Variants in MBOAT7 observed in about 807,000 individuals in gnomAD.
The protein encoded by MBOAT7 is membrane-bound acylglycerophosphatidylinositol O-acyltransferase MBOAT7.
Under a neutral mutation model 47.4 loss-of-function variants are expected in MBOAT7, and 40 were observed. The ratio of observed to expected loss-of-function variants is 0.84; its 90% CI spans 0.66 to 1.10. The LOEUF is 1.10. Ranked by LOEUF, MBOAT7 falls within the 50% of genes least tolerant of loss-of-function variation. The pLI is 0.00. For synonymous variants in MBOAT7, 361 were observed against 292.0 expected (o/e 1.24, Z -2.41); for missense variants, 680 against 655.6 (o/e 1.04, Z -0.41).
At chr19:54,186,187 G>A (rs2076423223) in intron 4 of MBOAT7, among the ~76,000 whole-genome samples, 1 of 151,754 alleles carries the variant, frequency 6.6e-6, no homozygotes, top group South Asian at 2.1e-4. Flanking sequence ...CTAATCTTTT[G>A]TATTTTTAGT....
At chr19:54,185,488 A>G (rs2076404473) in intron 4 of MBOAT7, among the ~76,000 whole-genome samples, 1 of 152,074 alleles carries the variant, frequency 6.6e-6, no homozygotes, top group African/African-American at 2.4e-5. Flanking sequence ...CATCCTGCCC[A>G]ATTGGTGGCC....
chr19:54,185,796 A>G (rs889194014), intron 4 of MBOAT7, among the ~76,000 whole-genome samples: 3 of 151,888 alleles, frequency 2.0e-5, no homozygotes, highest in African/African-American at 4.8e-5. Context: ...TCCAGGTTCA[A>G]GCAATTATCC....
At chr19:54,181,745 GGGAA>G (rs1568804276) in intron 5 of MBOAT7, among the ~76,000 whole-genome samples, 16 of 15,620 alleles carry the variant, frequency 1.0e-3, no homozygotes, top group Non-Finnish European at 1.6e-3. Flanking sequence ...GAGGGAGGGA[GGGAA>G]GGAGGGAAGG....
At chr19:54,184,159 CTCTT>C (rs1265183540) in intron 4 of MBOAT7, among the ~76,000 whole-genome samples, 77 of 119,556 alleles carry the variant, frequency 6.4e-4, no homozygotes, top group East Asian at 3.9e-3. Context: ...TAATCTCTCT[CTCTT>C]TTTTTTTTTT....
Position 54,173,930 on chromosome 19 carries a change from A to C in MBOAT7, c.*114T>G. On this transcript the variant is annotated 3_prime_UTR_variant, in exon 8 of 8. Coordinates refer to ENST00000245615, the MANE Select transcript of MBOAT7 (RefSeq NM_024298.5). The stretch of plus-strand genomic sequence containing the variant: ...TGCAGGCAGGGTATTTAGCTGGGGA[A>C]GAGGAAATTCTCTCCAGGACCCTCT... 1 of 1,298,076 alleles carries C rather than the reference A, an allele frequency of 7.7e-7. No individual in the cohort carries two copies. Among genetic ancestry groups the C allele is most frequent in the Non-Finnish European group, 1.0e-6 (1 of 973,982 alleles). The allele number at this position is 1,298,076 out of a possible 1,614,324, so 80.4% of individuals were successfully genotyped here. A position where few individuals can be genotyped will look rare whatever the true frequency, so the allele number is the denominator to read the frequency against.
chr19:54,188,803 C>T (rs1464905683), intron 1 of MBOAT7, among the ~76,000 whole-genome samples: 1 of 152,146 alleles, frequency 6.6e-6, no homozygotes, highest in African/African-American at 2.4e-5. Context: ...CAAGCCCCTC[C>T]TTTGCGAACG....
chr19:54,183,362 G>A (rs1278887466), intron 5 of MBOAT7, among the ~76,000 whole-genome samples, 159 bp downstream of exon 5: 1 of 152,208 alleles, frequency 6.6e-6, no homozygotes, highest in East Asian at 1.9e-4. Flanking sequence ...CTGGTCCAGC[G>A]GAGGTGTGAG....
In MBOAT7 at chr19:54,183,682, T is replaced by C. The variant is rs1228530026; in HGVS notation, c.334-2A>G. ...GACTTCACTGGCCAGGCTCACCAGC[T>C]GGGCAGAAGGGGGTGGGCAAGGGGC... On this transcript the variant is annotated splice_acceptor_variant, in intron 4 of 7. Coordinates refer to ENST00000245615, the MANE Select transcript of MBOAT7 (RefSeq NM_024298.5). LOFTEE classifies it high-confidence loss of function. 1 of 1,550,992 alleles carries C rather than the reference T, an allele frequency of 6.4e-7. No individual in the cohort carries two copies. The highest frequency in any genetic ancestry group is 8.7e-7 in the Non-Finnish European group (1 of 1,149,174).
rs759180147 is a variant in MBOAT7, at chr19:54,174,184, C to T, written c.1279G>A (p.Ala427Thr). The T allele has an allele frequency of 6.2e-7, 1 of 1,600,470 alleles. No individual in the cohort carries two copies. Among genetic ancestry groups the T allele is most frequent in the Non-Finnish European group, 8.5e-7 (1 of 1,172,576 alleles). The change falls in exon 8 of 8, where the codon GCC (alanine) becomes ACC (threonine). Residue 427 changes from alanine to threonine, a missense_variant. Ala to Thr is a moderately conservative substitution (Grantham distance 58, BLOSUM62 0). Coordinates refer to ENST00000245615, the MANE Select transcript of MBOAT7 (RefSeq NM_024298.5). ...LSLADTLRYW[A>T]SIYFCIHFLA... The stretch of plus-strand genomic sequence containing the variant: ...AAGTGGATACAGAAGTAGATGGAGG[C>T]CCAGTACCGAAGGGTGTCGGCCAAG...
In MBOAT7 at chr19:54,183,631, T is replaced by C; in HGVS notation, c.383A>G (p.Lys128Arg). 6.2e-7 allele frequency: 1 copy of C among 1,603,532 alleles called. No individual in the cohort carries two copies. The highest frequency in any genetic ancestry group is 2.3e-5 in the East Asian group (1 of 43,860). ...CTTGCTGAAGCCTGAGGCCATTTCC[T>C]TCCTCTGGGCCAGATGCAGGTCCTG... ...EVQDLHLAQR[K>R]EMASGFSKGP... is the part of the protein sequence containing the mutation. The change falls in exon 5 of 8, where the codon AAG becomes AGG. Residue 128 changes from lysine (K) to arginine (R), a missense_variant. Physicochemically the swap from Lys to Arg is conservative, Grantham distance 26. Transcript: ENST00000245615.
intron 5 of MBOAT7, among the ~76,000 whole-genome samples, chr19:54,182,539 G>GT (rs1326136309): frequency 6.7e-6 from 1 of 150,114 alleles, no homozygotes; most frequent in Non-Finnish European, 1.5e-5. Flanking sequence ...GCCAAGAGTT[G>GT]TATGTTTTAA....
At chr19:54,178,735 T>C (rs1408321619) in intron 7 of MBOAT7, 30 bp downstream of exon 7, 4 of 1,609,010 alleles carry the variant, frequency 2.5e-6, no homozygotes, top group Admixed American at 3.3e-5. Flanking sequence ...AGTTCTGCAG[T>C]GTCACCTGAG....
intron 6 of MBOAT7, chr19:54,179,259 C>T: frequency 2.2e-6 from 1 of 447,216 alleles, no homozygotes; most frequent in Non-Finnish European, 4.0e-6. Context: ...AGCAACCAAG[C>T]TCAGTATATT....
Position 54,173,706 on chromosome 19 carries a change from G to T in MBOAT7, c.*338C>A. 3.2e-6 allele frequency: 1 copy of T among 309,140 alleles called. No individual in the cohort carries two copies. Among genetic ancestry groups the T allele is most frequent in the Non-Finnish European group, 6.0e-6 (1 of 167,924 alleles). The allele number at this position is 309,140 out of a possible 1,614,324, so 19.1% of individuals were successfully genotyped here. A position where few individuals can be genotyped will look rare whatever the true frequency, so the allele number is the denominator to read the frequency against. On this transcript the variant is annotated 3_prime_UTR_variant, in exon 8 of 8. Coordinates refer to ENST00000245615, the MANE Select transcript of MBOAT7 (RefSeq NM_024298.5). ...TGCCCCCAAGCTCCGACCCCACATT[G>T]TGGATGCAAAGAAAGGGAATTTGCC...
In MBOAT7 at chr19:54,178,510, C is replaced by T. The variant is rs1028019286; in HGVS notation, c.1031+255G>A. Reference sequence around the variant, plus strand: ...CCAGGAAGGCTGGCTATTGAGTCCACAGGACTCAGTACATTGCTTCTGCTG... The same window carrying T: ...CCAGGAAGGCTGGCTATTGAGTCCATAGGACTCAGTACATTGCTTCTGCTG... On this transcript the variant is annotated intron_variant, in intron 7 of 7. Coordinates refer to ENST00000245615, the MANE Select transcript of MBOAT7 (RefSeq NM_024298.5). The T allele has an allele frequency of 8.9e-5, 124 of 1,389,450 alleles. No individual in the cohort carries two copies. In the African/African-American group the frequency reaches 1.4e-3, roughly 16 times the overall value. The allele number at this position is 1,389,450 out of a possible 1,614,324, so 86.1% of individuals were successfully genotyped here.
chr19:54,185,941 C>A (rs2076417817), intron 4 of MBOAT7, among the ~76,000 whole-genome samples: 1 of 152,144 alleles, frequency 6.6e-6, no homozygotes, highest in Admixed American at 6.6e-5. Context: ...GGTGATCTAC[C>A]CGCGTCAGCC....
In MBOAT7 at chr19:54,177,900, G is replaced by GTTTTTTTTTTTTT. The variant is rs761565984; in HGVS notation, c.1031+852_1031+864dup. ...ATGCCTGGCTATGAGTTCTACTTCT[G>GTTTTTTTTTTTTT]TTTTTTTTTTTTTTTTTTTTTTTTT... is the stretch of plus-strand genomic sequence containing the variant. On this transcript the variant is annotated intron_variant, in intron 7 of 7. Coordinates refer to ENST00000245615, the MANE Select transcript of MBOAT7 (RefSeq NM_024298.5). Among the ~76,000 whole-genome samples the GTTTTTTTTTTTTT allele has an allele frequency of 2.0e-4, 15 of 75,998 alleles. 5 individuals carry two copies. Among genetic ancestry groups the GTTTTTTTTTTTTT allele is most frequent in the East Asian group, 7.8e-4 (2 of 2,580 alleles). The allele number at this position is 75,998 out of a possible 152,430, so 49.9% of individuals were successfully genotyped here.
At chr19:54,182,667 C>T (rs944622993) in intron 5 of MBOAT7, among the ~76,000 whole-genome samples, 2 of 151,840 alleles carry the variant, frequency 1.3e-5, no homozygotes, top group African/African-American at 4.9e-5. Context: ...TATACACATA[C>T]ACACATACAT....
chr19:54,174,318 G>A lies in MBOAT7; in HGVS notation c.1145C>T (p.Ala382Val). ...CLAAEGRLES[A>V]LRGRLSPGGQ... is the part of the protein sequence containing the mutation. Reference sequence around the variant, plus strand: ...CCCTGGGCTCAGCCGCCCCCGCAGGGCTGACTCCAGCCGGCCCTCGGCAGC... The same window carrying A: ...CCCTGGGCTCAGCCGCCCCCGCAGGACTGACTCCAGCCGGCCCTCGGCAGC... The change falls in exon 8 of 8, where the codon GCC becomes GTC. Residue 382 changes from alanine to valine, a missense_variant. Transcript: ENST00000245615. The A allele has an allele frequency of 1.9e-6, 3 of 1,613,312 alleles. No homozygotes were observed. Among genetic ancestry groups the A allele is most frequent in the Non-Finnish European group, 2.5e-6 (3 of 1,179,634 alleles).
Sources: allele counts gnomAD v4.1 joint callset (sites outside exome capture counted in the v4.1 genomes callset), GRCh38; gene constraint gnomAD v4.1.1; transcripts MANE v1.5; gene names NCBI Gene and HGNC (gene_info 2026-07-23, HGNC 2026-07-21).